Variants in AUTS2 observed in about 807,000 individuals in gnomAD.
The protein encoded by AUTS2 is activator of transcription and developmental regulator AUTS2, also known as autism susceptibility gene 2 protein.
A neutral mutation model predicts 112.4 loss-of-function variants in AUTS2; 17 were observed. The observed-to-expected ratio is 0.15, with a 90% CI of 0.10 to 0.23. The LOEUF (loss-of-function observed/expected upper bound fraction) is 0.23. AUTS2 is among the 10% of genes least tolerant of loss of function. The pLI is 1.00. For missense variants in AUTS2, 1,510 were observed against 1,701.6 expected, an observed-to-expected ratio of 0.89 and a Z score of 1.98; for synonymous variants, 751 against 702.7, an observed-to-expected ratio of 1.07 and a Z score of -1.09.
At chr7:70,415,186 C>T (rs1794938875) in intron 4 of AUTS2, among the ~76,000 whole-genome samples, 1 of 152,166 alleles carries the variant, frequency 6.6e-6, no homozygotes, top group South Asian at 2.1e-4. Context: ...GTCCCATTCC[C>T]CGATGATAAT....
chr7:70,052,932 G>C (rs1801821834), intron 2 of AUTS2, among the ~76,000 whole-genome samples: 1 of 152,092 alleles, frequency 6.6e-6, no homozygotes, highest in Admixed American at 6.5e-5. Flanking sequence ...CAAAAAGATG[G>C]TCAAGAAAAG....
chr7:70,644,035 G>C (rs1193884656), intron 5 of AUTS2, among the ~76,000 whole-genome samples: 1 of 152,144 alleles, frequency 6.6e-6, no homozygotes, highest in East Asian at 1.9e-4. Flanking sequence ...CCTTGGTGAT[G>C]CTGAGGCTGC....
At chr7:70,572,455 A>C (rs1801983767) in intron 5 of AUTS2, among the ~76,000 whole-genome samples, 1 of 52,530 alleles carries the variant, frequency 1.9e-5, no homozygotes, top group Non-Finnish European at 3.1e-5. Flanking sequence ...GAAGGCAGGG[A>C]TGGGGGGTGG....
chr7:70,017,117 G>A (rs1338654644), intron 2 of AUTS2, among the ~76,000 whole-genome samples: 9 of 152,160 alleles, frequency 5.9e-5, no homozygotes, highest in African/African-American at 2.2e-4. Context: ...TTGGCATTAG[G>A]CACCAATCTA....
chr7:70,691,277 G>C (rs909171737), intron 5 of AUTS2, among the ~76,000 whole-genome samples: 1 of 152,086 alleles, frequency 6.6e-6, no homozygotes, highest in Non-Finnish European at 1.5e-5. Context: ...CTTAGATTGG[G>C]TTCAGAGGCT....
intron 2 of AUTS2, among the ~76,000 whole-genome samples, chr7:69,996,966 C>CAAAAAAAAAATA (rs1798974779): frequency 1.2e-5 from 1 of 83,626 alleles, no homozygotes; most frequent in Non-Finnish European, 2.5e-5. Flanking sequence ...AAAAAAAAAG[C>CAAAAAAAAAATA]AAACTCCAGG....
Position 69,690,588 on chromosome 7 carries a change from G to A in AUTS2, c.309+90626G>A, listed in dbSNP as rs559111439. 1.1e-3 allele frequency among the ~76,000 whole-genome samples: 165 copies of A among 152,324 alleles called. 1 individual carries two copies. Among genetic ancestry groups the A allele is most frequent in the African/African-American group, 3.8e-3 (160 of 41,586 alleles). ...GTGGGCAGCTCCATATGAGGCTGTG[G>A]CTGGACCAGGTGTACTGCAAGCAGC... On this transcript the variant is annotated intron_variant, in intron 1 of 18. Transcript: ENST00000342771.
chr7:69,823,779 A>C (rs1365618571), intron 1 of AUTS2, among the ~76,000 whole-genome samples: 5 of 152,146 alleles, frequency 3.3e-5, no homozygotes, highest in African/African-American at 9.7e-5. Flanking sequence ...GGAAAAAAAA[A>C]CAAAAAACCA....
At chr7:70,757,075 C>T (rs1476377918) in intron 6 of AUTS2, among the ~76,000 whole-genome samples, 3 of 152,186 alleles carry the variant, frequency 2.0e-5, no homozygotes, top group Non-Finnish European at 4.4e-5. Context: ...GTAGTATCCT[C>T]CAATGGGAAC....
At chr7:69,716,320 C>T (rs1212852832) in intron 1 of AUTS2, among the ~76,000 whole-genome samples, 1 of 151,534 alleles carries the variant, frequency 6.6e-6, no homozygotes, top group South Asian at 2.1e-4. Flanking sequence ...TTTTTCACAC[C>T]GCATTCCACC....
At chr7:69,993,714 A>G (rs1223208985) in intron 2 of AUTS2, among the ~76,000 whole-genome samples, 2 of 152,022 alleles carry the variant, frequency 1.3e-5, no homozygotes, top group African/African-American at 4.8e-5. Context: ...AGCCTGGGCA[A>G]TAGTGAGACC....
At chr7:70,649,700 T>C (rs1449798649) in intron 5 of AUTS2, among the ~76,000 whole-genome samples, 2 of 152,026 alleles carry the variant, frequency 1.3e-5, no homozygotes, top group African/African-American at 4.8e-5. Context: ...AGCTAATTTT[T>C]TGTATTTTTA....
At chr7:70,287,279 G>A (rs529219690) in intron 4 of AUTS2, among the ~76,000 whole-genome samples, 1 of 152,272 alleles carries the variant, frequency 6.6e-6, no homozygotes, top group East Asian at 1.9e-4. Context: ...ACCTTCGACT[G>A]TTGTACCACT....
Position 70,550,233 on chromosome 7 carries a change from G to A in AUTS2, c.690+114452G>A, listed in dbSNP as rs73177735. ...TGAGGACATTGGCTGAGCAAGCCAA[G>A]ACTCCAGTGACGCCATCCATTTCTT... On this transcript the variant is annotated intron_variant, in intron 5 of 18. Coordinates refer to ENST00000342771, the MANE Select transcript of AUTS2 (RefSeq NM_015570.4). Among the ~76,000 whole-genome samples the A allele has an allele frequency of 3.4e-3, 524 of 152,302 alleles. 1 individual carries two copies. Among genetic ancestry groups the A allele is most frequent in the Non-Finnish European group, 5.5e-3 (374 of 68,024 alleles).
intron 1 of AUTS2, among the ~76,000 whole-genome samples, chr7:69,704,124 A>G (rs1584102057): frequency 6.6e-6 from 1 of 152,104 alleles, no homozygotes; most frequent in African/African-American, 2.4e-5. Context: ...CCAGCTGTTT[A>G]CAGTGCTATC....
intron 1 of AUTS2, among the ~76,000 whole-genome samples, chr7:69,807,533 C>A (rs997093007): frequency 6.6e-6 from 1 of 152,104 alleles, no homozygotes; most frequent in African/African-American, 2.4e-5. Flanking sequence ...CATTGCTCTT[C>A]CTTAGAGACC....
chr7:70,577,794 A>C (rs148382091), intron 5 of AUTS2, among the ~76,000 whole-genome samples: 2 of 148,810 alleles, frequency 1.3e-5, no homozygotes, highest in African/African-American at 4.9e-5. Context: ...TTTTGTTCAT[A>C]TGTGTTTTAT....
chr7:69,950,581 A>G (rs1468906393), intron 2 of AUTS2, among the ~76,000 whole-genome samples: 1 of 152,150 alleles, frequency 6.6e-6, no homozygotes, highest in Admixed American at 6.6e-5. Flanking sequence ...TTTTCATTTT[A>G]AAACTTTTAT....
At chr7:69,833,966 G>T (rs1287486100) in intron 1 of AUTS2, among the ~76,000 whole-genome samples, 1 of 152,148 alleles carries the variant, frequency 6.6e-6, no homozygotes, top group Non-Finnish European at 1.5e-5. Flanking sequence ...CTCTGGGATT[G>T]GGCACCAAGT....
Sources: allele counts gnomAD v4.1 joint callset (sites outside exome capture counted in the v4.1 genomes callset), GRCh38; gene constraint gnomAD v4.1.1; transcripts MANE v1.5; gene names NCBI Gene and HGNC (gene_info 2026-07-23, HGNC 2026-07-21).